The following MUC4 variants were observed in gnomAD, a reference collection of about 807,000 sequenced individuals.
MUC4 encodes the protein mucin 4, cell surface associated.
MUC4 carries 202 observed loss-of-function variants against 257.9 expected under a neutral mutation model. The observed-to-expected ratio is 0.78, with a 90% CI of 0.70 to 0.88. The LOEUF is 0.88. Among genes scored for constraint, MUC4 ranks in the 40% least tolerant of loss-of-function variants. The probability of loss-of-function intolerance (pLI) is 0.00; values close to 1 mark genes in which losing one functional copy is unlikely to be tolerated. For missense variants in MUC4, 5,976 were observed against 6,513.7 expected (o/e 0.92, Z 2.84); for synonymous variants, 2,351 against 2,757.1 (o/e 0.85, Z 4.62).
intron 23 of MUC4, 84 bp from the exon 24 acceptor site, chr3:195,749,148 G>T: frequency 6.6e-7 from 1 of 1,514,092 alleles, no homozygotes. Flanking sequence ...TCCTTTTCGG[G>T]TGTTTATCCT....
chr3:195,790,267 A>C lies in MUC4; in HGVS notation c.1313T>G (p.Leu438Arg). The change falls in exon 2 of 25, where the codon CTC becomes CGC. Residue 438 changes from leucine to arginine, a missense_variant. Leu to Arg is a moderately radical substitution (Grantham distance 102, BLOSUM62 -2). Around this residue, in one of 44 missense-constraint regions of MUC4, gnomAD observed 1,583 missense variants for 1,257.4 expected, o/e 1.26. Coordinates refer to ENST00000463781, the MANE Select transcript of MUC4 (RefSeq NM_018406.7). ...TTTTGGAGGTAGAGAACTGGGGGAGAGTGCTGTTGACAGAGTGTCTGACCA... is the reference window on the plus strand; with the variant it reads ...TTTTGGAGGTAGAGAACTGGGGGAGCGTGCTGTTGACAGAGTGTCTGACCA... ...IWWSDTLSTA[L>R]SPSSLPPKIS... 2 of 1,613,922 alleles carry C rather than the reference A, an allele frequency of 1.2e-6. No individual in the cohort carries two copies. The highest frequency in any genetic ancestry group is 1.7e-6 in the Non-Finnish European group (2 of 1,179,890).
chr3:195,791,506 A>G lies in MUC4; in HGVS notation c.83-9T>C. 1 of 1,587,202 alleles carries G rather than the reference A, an allele frequency of 6.3e-7. No individual in the cohort carries two copies. The highest frequency in any genetic ancestry group is 8.6e-7 in the Non-Finnish European group (1 of 1,157,622). ...TGTGTCCTCTGTGGTTCCTGGAGTG[A>G]ACCAAAATAGGCAAGCAGAGAGCTA... On this transcript the variant is annotated splice_polypyrimidine_tract_variant and intron_variant, in intron 1 of 24. Transcript: ENST00000463781.
In MUC4 at chr3:195,760,982, C is replaced by G; in HGVS notation, c.14750G>C (p.Ser4917Thr). 13 of 1,614,166 alleles carry G rather than the reference C, an allele frequency of 8.1e-6. No homozygotes were observed. Among genetic ancestry groups the G allele is most frequent in the Non-Finnish European group, 1.1e-5 (13 of 1,179,994 alleles). The change falls in exon 16 of 25, where the codon AGC becomes ACC. Residue 4917 changes from serine to threonine, a missense_variant. Physicochemically the swap from Ser to Thr is moderately conservative, Grantham distance 58. Coordinates refer to ENST00000463781, the MANE Select transcript of MUC4 (RefSeq NM_018406.7). ...GGCCAGGGTGTCATAGATGCATGAG[C>G]TATCTCCGTCACAGTTGGAGATCAA... Reference protein sequence around the residue: ...EHLISNCDGDSSCIYDTLALR... With the variant: ...EHLISNCDGDTSCIYDTLALR...
chr3:195,761,581 G>A lies in MUC4; in HGVS notation c.14517C>T (p.Val4839=). 6.2e-7 allele frequency: 1 copy of A among 1,613,542 alleles called. No individual in the cohort carries two copies. Among genetic ancestry groups the A allele is most frequent in the East Asian group, 2.2e-5 (1 of 44,872 alleles). ...AGTCGTCCTCTGGATTGTTATTCCA[G>A]ACCCCTGAGGGACAGAGTGGGAGGT... ...YQNRTEGLLG[V]WNNNPEDDFR... The change falls in exon 15 of 25, where the codon GTC becomes GTT. Residue 4839 remains valine, a synonymous_variant. Coordinates refer to ENST00000463781, the MANE Select transcript of MUC4 (RefSeq NM_018406.7).
intron 7 of MUC4, among the ~76,000 whole-genome samples, chr3:195,767,733 C>T (rs1013523845): frequency 1.9e-3 from 2 of 1,074 alleles, no homozygotes; most frequent in African/African-American, 6.5e-3. Context: ...ACCATCACCA[C>T]CACCATCACC....
chr3:195,795,566 T>C (rs912351282), intron 1 of MUC4, among the ~76,000 whole-genome samples: 6 of 151,678 alleles, frequency 4.0e-5, no homozygotes, highest in South Asian at 2.1e-4. Context: ...AGATGGTGAG[T>C]CAATGCCCTT....
At chr3:195,801,279 A>G (rs563539442) in intron 1 of MUC4, among the ~76,000 whole-genome samples, 3 of 152,314 alleles carry the variant, frequency 2.0e-5, no homozygotes, top group Admixed American at 1.3e-4. Flanking sequence ...TGGGGAGCAG[A>G]GAGCTGGGAG....
intron 7 of MUC4, among the ~76,000 whole-genome samples, chr3:195,767,886 T>TCAC (rs1224448233): frequency 4.3e-5 from 3 of 69,866 alleles, no homozygotes; most frequent in African/African-American, 8.4e-5. Flanking sequence ...ATCACCACCA[T>TCAC]CACCACCACC....
At position 195,760,639 on chromosome 3, in the gene MUC4, A is replaced by AG. The variant is rs369348840; in HGVS notation, c.14848+244_14848+245insC. Among the ~76,000 whole-genome samples, 93 of 65,246 alleles carry AG rather than the reference A, an allele frequency of 1.4e-3. 1 individual carries two copies. Among genetic ancestry groups the AG allele is most frequent in the South Asian group, 7.1e-3 (15 of 2,098 alleles). The allele number at this position is 65,246 out of a possible 152,430, so 42.8% of individuals were successfully genotyped here. ...GGGAAGGCATCCAGCGCTAGGATGG[A>AG]CGGAGGGGGCTGGGAAGGCGTCCAG... On this transcript the variant is annotated intron_variant, in intron 16 of 24. Transcript: ENST00000463781.
chr3:195,783,231 G>A lies in MUC4; in HGVS notation c.8349C>T (p.Thr2783=), dbSNP rs867587988. ...AGGAAGGGCTGGTGACATGAAGAGGGGTGGCGTGACCTGTGGATACTGAGG... is the reference window on the plus strand; with the variant it reads ...AGGAAGGGCTGGTGACATGAAGAGGAGTGGCGTGACCTGTGGATACTGAGG... The part of the protein sequence containing the change: ...NTSSVSTGHA[T]PLHVTSPSSA... Residue 2783 remains threonine, a synonymous_variant, in exon 2 of 25, where the codon ACC becomes ACT. Transcript: ENST00000463781. 5.9e-6 allele frequency: 8 copies of A among 1,363,204 alleles called. No individual in the cohort carries two copies. The Admixed American group carries it at 1.3e-4, about 22-fold the overall frequency. 84.4% of individuals were successfully genotyped at this position (1,363,204 alleles called of 1,614,324 possible). A position where few individuals can be genotyped will look rare whatever the true frequency, so the allele number is the denominator to read the frequency against.
At position 195,779,966 on chromosome 3, in the gene MUC4, G is replaced by T. The variant is rs751870830; in HGVS notation, c.11614C>A (p.Pro3872Thr). 19 of 1,446,218 alleles carry T rather than the reference G, an allele frequency of 1.3e-5. 3 individuals are homozygous for T. The highest frequency in any genetic ancestry group is 1.7e-5 in the Non-Finnish European group (19 of 1,090,838). 89.6% of individuals were successfully genotyped at this position (1,446,218 alleles called of 1,614,324 possible). ...GAGGAAAGGCCGGTAACAGGAAGAG[G>T]GGTGGCGTGACCTGTGGATGCTGAG... ...PSSASTGHAT[P>T]LPVTGLSSAS... Residue 3872 changes from proline (P) to threonine (T), a missense_variant, in exon 2 of 25, where the codon CCT becomes ACT. By Grantham distance (38) the Pro-to-Thr change is conservative (BLOSUM62 -1). Coordinates refer to ENST00000463781, the MANE Select transcript of MUC4 (RefSeq NM_018406.7).
chr3:195,764,004 C>A (rs777420836), intron 11 of MUC4, 41 bp downstream of exon 11: 8 of 1,583,906 alleles, frequency 5.1e-6, no homozygotes, highest in Non-Finnish European at 6.9e-6. Flanking sequence ...GAAGCTCCCC[C>A]TCCCCAGAGG....
At chr3:195,768,338 A>G (rs1466335638) in intron 7 of MUC4, among the ~76,000 whole-genome samples, 2 of 152,218 alleles carry the variant, frequency 1.3e-5, no homozygotes, top group Non-Finnish European at 2.9e-5. Context: ...ACCCCAGCAT[A>G]TGGGAACAGA....
rs1464370660 is a variant in MUC4, at chr3:195,746,911, C to T, written c.*265G>A. The T allele has an allele frequency of 1.6e-4, 93 of 571,334 alleles. No individual in the cohort carries two copies. Among genetic ancestry groups the T allele is most frequent in the African/African-American group, 6.8e-4 (36 of 53,318 alleles). 35.4% of individuals were successfully genotyped at this position (571,334 alleles called of 1,614,324 possible). On this transcript the variant is annotated 3_prime_UTR_variant, in exon 25 of 25. Coordinates refer to ENST00000463781, the MANE Select transcript of MUC4 (RefSeq NM_018406.7). ...GTGTGTGTGTGTGTGTGTGTGCACGCGCGCGTGCACAGGCTAGTGTCCTTC... is the reference window on the plus strand; with the variant it reads ...GTGTGTGTGTGTGTGTGTGTGCACGTGCGCGTGCACAGGCTAGTGTCCTTC...
chr3:195,751,220 G>C lies in MUC4; in HGVS notation c.15634C>G (p.Gln5212Glu). The C allele has an allele frequency of 6.2e-7, 1 of 1,606,816 alleles. No homozygotes were observed. The highest frequency in any genetic ancestry group is 8.5e-7 in the Non-Finnish European group (1 of 1,177,114). ...AGTCCCACTTACATTCGTTCCACTT[G>C]GCTGTTGCGGAGAAAGGCCCGCATG... Reference protein sequence around the residue: ...LDMRAFLRNSQVERIDSAAPA... With the variant: ...LDMRAFLRNSEVERIDSAAPA... The change falls in exon 22 of 25, where the codon CAA (glutamine) becomes GAA (glutamate). Residue 5212 changes from glutamine (Q) to glutamate (E), a missense_variant. Around this residue, in one of 44 missense-constraint regions of MUC4, gnomAD observed 996 missense variants for 1,137.3 expected, o/e 0.88. Coordinates refer to ENST00000463781, the MANE Select transcript of MUC4 (RefSeq NM_018406.7).
chr3:195,767,530 G>GCCACCACCATCACCACCACCATCACCA (rs1305767868), intron 7 of MUC4, among the ~76,000 whole-genome samples: 5 of 53,504 alleles, frequency 9.3e-5, no homozygotes, highest in Non-Finnish European at 1.7e-4. Context: ...CACCACCATC[G>GCCACCACCATCACCACCACCATCACCA]CCACCACCAT....
chr3:195,747,343 G>T lies in MUC4; in HGVS notation c.16072C>A (p.His5358Asn). The T allele has an allele frequency of 9.3e-6, 15 of 1,614,056 alleles. No homozygotes were observed. The highest frequency in any genetic ancestry group is 1.3e-5 in the Non-Finnish European group (15 of 1,179,900). The change falls in exon 25 of 25, where the codon CAC (histidine) becomes AAC (asparagine). Residue 5358 changes from histidine (H) to asparagine (N), a missense_variant. By Grantham distance (68) the His-to-Asn change is moderately conservative. Transcript: ENST00000463781. ...AGTTTCATGCTCAGGTGCTCACAGT[G>T]CTCGCCCCAGGCCGTGTAGATGGAG... ...SFSIYTAWGEHCEHLSMKLDA... is the reference protein window; with the variant it reads ...SFSIYTAWGENCEHLSMKLDA...
At position 195,755,339 on chromosome 3, in the gene MUC4, G is replaced by A. The variant is rs370519219; in HGVS notation, c.15169-967C>T. On this transcript the variant is annotated intron_variant, in intron 18 of 24. Coordinates refer to ENST00000463781, the MANE Select transcript of MUC4 (RefSeq NM_018406.7). This position sits in a 1 kb window ranked among gnomAD's most constrained non-coding sequence, Gnocchi z 5.0. The stretch of plus-strand genomic sequence containing the variant: ...GCCTCCCAAATACTTGAGATTACAG[G>A]CATATGCCACCACGCCCAGCTAATT... Among the ~76,000 whole-genome samples, 2 of 151,958 alleles carry A rather than the reference G, an allele frequency of 1.3e-5. No individual in the cohort carries two copies. Among genetic ancestry groups the A allele is most frequent in the African/African-American group, 4.8e-5 (2 of 41,350 alleles).
At chr3:195,753,927 C>T (rs943780775) in intron 19 of MUC4, 7 of 392,116 alleles carry the variant, frequency 1.8e-5, no homozygotes, top group Admixed American at 9.0e-5. Flanking sequence ...GGGCTCCCCC[C>T]ATCAATGCCT....
Sources: gnomAD v4.1 joint callset for allele counts (sites outside exome capture counted in the v4.1 genomes callset) on GRCh38, gnomAD v4.1.1 for gene constraint, gnomAD v4.1.1 regional missense constraint, Gnocchi (gnomAD v3.1) non-coding constraint, MANE v1.5 for transcripts, NCBI Gene and HGNC (gene_info 2026-07-23, HGNC 2026-07-21) for gene names.